The following SLTM variants were observed in gnomAD, a reference collection of about 807,000 sequenced individuals.
The protein encoded by SLTM is SAFB like transcription modulator, also known as SAFB-like transcription modulator.
Under a neutral mutation model 134.6 loss-of-function variants are expected in SLTM, and 43 were observed. The observed-to-expected ratio is 0.32, with a 90% CI of 0.25 to 0.41. SLTM has a LOEUF of 0.41. Ranked by LOEUF, SLTM falls within the 10% of genes least tolerant of loss-of-function variation. SLTM has a pLI of 1.00. For synonymous variants in SLTM, 424 were observed against 432.3 expected (o/e 0.98, Z 0.24); for missense variants, 1,055 against 1,288.8 (o/e 0.82, Z 2.78).
chr15:58,899,919 T>A lies in SLTM; in HGVS notation c.608A>T (p.Asp203Val), dbSNP rs779013285. The A allele has an allele frequency of 1.9e-6, 3 of 1,611,458 alleles. No homozygotes were observed. In the South Asian group the frequency reaches 3.3e-5, roughly 18 times the overall value. ...AGGTTTAGATACTTCTTGTGTACCA[T>A]CACCAGAACCTGCTATATCTAAGAG... ...ENEKDIAGSG[D>V]GTQEVSKPLP... Residue 203 changes from aspartate to valine, a missense_variant, in exon 7 of 21, where the codon GAT becomes GTT. Coordinates refer to ENST00000380516, the MANE Select transcript of SLTM (RefSeq NM_024755.4). The surrounding 1 kb of genome is among the most constrained non-coding windows in gnomAD (Gnocchi z 5.0).
chr15:58,932,347 C>T lies in SLTM; in HGVS notation c.250+9G>A, dbSNP rs763989525. On this transcript the variant is annotated intron_variant, in intron 2 of 20. Transcript: ENST00000380516. ...TATATTTTAAAACATGTTCATAACTCGTAACAACCTTTGCCTTTAGTTGGT... is the reference window on the plus strand; with the variant it reads ...TATATTTTAAAACATGTTCATAACTTGTAACAACCTTTGCCTTTAGTTGGT... The T allele has an allele frequency of 1.3e-5, 20 of 1,599,744 alleles. No homozygotes were observed. The highest frequency in any genetic ancestry group is 3.3e-5 in the South Asian group (3 of 90,778).
intron 6 of SLTM, chr15:58,900,854 T>C (rs1490720828): frequency 5.6e-6 from 1 of 177,582 alleles, no homozygotes; most frequent in Non-Finnish European, 1.2e-5. Flanking sequence ...GTCAGTCTCC[T>C]GGTCATTCAT....
chr15:58,893,817 A>G lies in SLTM; in HGVS notation c.1648+4T>C, dbSNP rs557852000. 2.1e-5 allele frequency: 34 copies of G among 1,605,264 alleles called. No homozygotes were observed. The highest frequency in any genetic ancestry group is 3.5e-5 in the Admixed American group (2 of 57,902). ...GAAAGGGATTGAAAAGATGTATAGC[A>G]TACTTATTCGCTTCTTTTCTTCACT... On this transcript the variant is annotated splice_donor_region_variant and intron_variant, in intron 12 of 20. Transcript: ENST00000380516.
At chr15:58,893,225 T>C (rs1236920221) in intron 13 of SLTM, 54 bp downstream of exon 13, 1 of 1,490,174 alleles carries the variant, frequency 6.7e-7, no homozygotes, top group Non-Finnish European at 9.2e-7. Context: ...AACAGAATTA[T>C]CTTCTTTTGT....
chr15:58,921,098 C>T (rs150900081), intron 2 of SLTM, among the ~76,000 whole-genome samples: 20 of 152,336 alleles, frequency 1.3e-4, no homozygotes, highest in East Asian at 1.9e-4. Context: ...TCAAATTACA[C>T]TTCAGCAACA....
chr15:58,913,814 C>A, intron 3 of SLTM, 118 bp from the exon 4 acceptor site: 1 of 731,524 alleles, frequency 1.4e-6, no homozygotes, highest in Middle Eastern at 2.9e-4. Context: ...TTTAATATTC[C>A]CAAAGTTCAT....
chr15:58,917,242 T>C (rs1238356950), intron 2 of SLTM, among the ~76,000 whole-genome samples: 1 of 152,222 alleles, frequency 6.6e-6, no homozygotes, highest in Non-Finnish European at 1.5e-5. Flanking sequence ...CTTAACTGAC[T>C]TGACATATAT....
At chr15:58,896,602 A>G (rs1313480916) in intron 9 of SLTM, among the ~76,000 whole-genome samples, 1 of 152,038 alleles carries the variant, frequency 6.6e-6, no homozygotes, top group Non-Finnish European at 1.5e-5. Context: ...TAATGTAGAT[A>G]TATGTTTATA....
At chr15:58,924,401 T>A (rs1484033567) in intron 2 of SLTM, among the ~76,000 whole-genome samples, 1 of 152,228 alleles carries the variant, frequency 6.6e-6, no homozygotes, top group Non-Finnish European at 1.5e-5. Flanking sequence ...AAATTCTTAA[T>A]GAAACCCTCT....
In SLTM at chr15:58,918,087, TA is replaced by T. The variant is rs35486877; in HGVS notation, c.251-1089del. On this transcript the variant is annotated intron_variant, in intron 2 of 20. Transcript: ENST00000380516. ...GGAACTTTAAAATAATTTTCCACAT[TA>T]AAAAAAAAAAAAAGTTTTCCACAGA... Among the ~76,000 whole-genome samples, 787 of 136,906 alleles carry T rather than the reference TA, an allele frequency of 5.7e-3. 4 individuals carry two copies. The highest frequency in any genetic ancestry group is 0.011 in the East Asian group (55 of 4,840). The allele number at this position is 136,906 out of a possible 152,430, so 89.8% of individuals were successfully genotyped here.
chr15:58,919,881 A>C (rs1170087634), intron 2 of SLTM, among the ~76,000 whole-genome samples: 1 of 152,224 alleles, frequency 6.6e-6, no homozygotes, highest in African/African-American at 2.4e-5. Context: ...TGAGAGGTTA[A>C]ATACCTTGCC....
chr15:58,890,546 AG>A, intron 14 of SLTM, 85 bp from the exon 15 acceptor site: 1 of 1,391,134 alleles, frequency 7.2e-7, no homozygotes, highest in South Asian at 1.5e-5. Flanking sequence ...TTTTTCCTTG[AG>A]GTTGGCAATT....
intron 10 of SLTM, 107 bp from the exon 11 acceptor site, chr15:58,894,300 GGA>G (rs1335640039): frequency 1.4e-6 from 2 of 1,410,224 alleles, no homozygotes; most frequent in Non-Finnish European, 9.8e-7. Context: ...AAAAATATAA[GGA>G]GAGTAAAAAC....
chr15:58,908,104 T>C (rs1212047388), intron 5 of SLTM, among the ~76,000 whole-genome samples: 1 of 151,030 alleles, frequency 6.6e-6, no homozygotes. Flanking sequence ...TTGCCCATGA[T>C]TGAGTGCAGT....
intron 5 of SLTM, among the ~76,000 whole-genome samples, chr15:58,906,160 T>G (rs2035854676): frequency 6.6e-6 from 1 of 152,230 alleles, no homozygotes; most frequent in Non-Finnish European, 1.5e-5. Context: ...TTTCCCTGTC[T>G]AAATGGTATA....
At chr15:58,907,167 GA>G (rs2035920089) in intron 5 of SLTM, among the ~76,000 whole-genome samples, 1 of 152,192 alleles carries the variant, frequency 6.6e-6, no homozygotes, top group East Asian at 1.9e-4. Context: ...GAGGAGATAA[GA>G]GGTGAATCTG....
intron 20 of SLTM, chr15:58,883,385 AT>A (rs1331272636): frequency 7.8e-6 from 4 of 510,978 alleles, no homozygotes; most frequent in Non-Finnish European, 1.4e-5. Flanking sequence ...ACATACCCAT[AT>A]CTATATCAAC....
rs535397931 is a variant in SLTM at position 58,893,671 on chromosome 15, G to T, written c.1648+150C>A. The T allele has an allele frequency of 1.1e-5, 9 of 791,712 alleles. No homozygotes were observed. In the African/African-American group the frequency reaches 1.6e-4, roughly 14 times the overall value. 49.0% of individuals were successfully genotyped at this position (791,712 alleles called of 1,614,324 possible). ...TTTGTTTCCCCAGAGTAGAAAAGAAGACAATTACTCCTACTAGACCTCCTT... is the reference window on the plus strand; with the variant it reads ...TTTGTTTCCCCAGAGTAGAAAAGAATACAATTACTCCTACTAGACCTCCTT... On this transcript the variant is annotated intron_variant, in intron 12 of 20. Coordinates refer to ENST00000380516, the MANE Select transcript of SLTM (RefSeq NM_024755.4).
intron 12 of SLTM, 59 bp from the exon 13 acceptor site, chr15:58,893,423 TG>T: frequency 8.2e-7 from 1 of 1,223,454 alleles, no homozygotes; most frequent in Non-Finnish European, 1.2e-6. Flanking sequence ...AAAGAAAATA[TG>T]TATGTAAAAA....
Sources: gnomAD v4.1 joint callset for allele counts (sites outside exome capture counted in the v4.1 genomes callset) on GRCh38, gnomAD v4.1.1 for gene constraint, Gnocchi (gnomAD v3.1) non-coding constraint, MANE v1.5 for transcripts, NCBI Gene and HGNC (gene_info 2026-07-23, HGNC 2026-07-21) for gene names.